The following ICE1 variants were observed in gnomAD, a reference collection of about 807,000 sequenced individuals.
The protein encoded by ICE1 is little elongation complex subunit 1.
Under a neutral mutation model 192.7 loss-of-function variants are expected in ICE1, and 64 were observed. The observed-to-expected ratio is 0.33, with a 90% CI of 0.27 to 0.41. ICE1 has a LOEUF of 0.41. Ranked by LOEUF, ICE1 falls within the 10% of genes least tolerant of loss-of-function variation. The probability of loss-of-function intolerance (pLI) is 1.00; values close to 1 mark genes in which losing one functional copy is unlikely to be tolerated. For synonymous variants in ICE1, 1,010 were observed against 984.5 expected (o/e 1.03, Z -0.49); for missense variants, 2,708 against 2,696.0 (o/e 1.00, Z -0.10).
intron 17 of ICE1, among the ~76,000 whole-genome samples, chr5:5,482,775 A>ACACACAC (rs1554017071): frequency 7.4e-6 from 1 of 135,998 alleles, no homozygotes; most frequent in Non-Finnish European, 1.6e-5. Context: ...CCCACCCCCC[A>ACACACAC]ACACACACAC....
chr5:5,483,360 C>T (rs1177614562), intron 17 of ICE1, among the ~76,000 whole-genome samples: 2 of 152,192 alleles, frequency 1.3e-5, no homozygotes, highest in East Asian at 1.9e-4. Flanking sequence ...GACAGTAAAA[C>T]AAGCTTTAGG....
At position 5,437,087 on chromosome 5, in the gene ICE1, T is replaced by G. The variant is rs1268547496; in HGVS notation, c.151T>G (p.Leu51Val). The change falls in exon 3 of 19, where the codon TTA (leucine) becomes GTA (valine). Residue 51 changes from leucine (L) to valine (V), a missense_variant. By Grantham distance (32) the Leu-to-Val change is conservative. Transcript: ENST00000296564. ...TTCTTTTCTTTTTTGCAGTAATTTG[T>G]TAACAGAATATCAGAAGAAATGTGA... ...KQKIINTDNL[L>V]TEYQKKCDEL... 6.6e-7 allele frequency: 1 copy of G among 1,521,494 alleles called. No homozygotes were observed. The highest frequency in any genetic ancestry group is 9.0e-7 in the Non-Finnish European group (1 of 1,115,150). 94.2% of individuals were successfully genotyped at this position (1,521,494 alleles called of 1,614,324 possible). A position where few individuals can be genotyped will look rare whatever the true frequency, so the allele number is the denominator to read the frequency against.
Position 5,441,201 on chromosome 5 carries a change from A to T in ICE1, c.287A>T (p.Lys96Ile). The stretch of plus-strand genomic sequence containing the variant: ...TGTCAGGAAGAACTGGGATCTTTAA[A>T]AGCAGAGCTAGAAGAGAAAAAGGTA... ...QKCQEELGSLKAELEEKKSSL... is the reference protein window; with the variant it reads ...QKCQEELGSLIAELEEKKSSL... The change falls in exon 5 of 19, where the codon AAA (lysine) becomes ATA (isoleucine). Residue 96 changes from lysine to isoleucine, a missense_variant. Lys to Ile is a moderately radical substitution (Grantham distance 102). Transcript: ENST00000296564. 1 of 1,557,796 alleles carries T rather than the reference A, an allele frequency of 6.4e-7. No individual in the cohort carries two copies. The highest frequency in any genetic ancestry group is 1.4e-5 in the African/African-American group (1 of 73,590).
At chr5:5,476,161 T>C (rs1739301311) in intron 17 of ICE1, 82 bp downstream of exon 17, 2 of 708,952 alleles carry the variant, frequency 2.8e-6, no homozygotes, top group Non-Finnish European at 4.4e-6. Flanking sequence ...TATAATAAAA[T>C]ATGCTGACTT....
chr5:5,441,167 C>G lies in ICE1; in HGVS notation c.253C>G (p.Leu85Val), dbSNP rs767789754. 3.8e-6 allele frequency: 6 copies of G among 1,565,770 alleles called. No homozygotes were observed. In the South Asian group the frequency reaches 5.9e-5, roughly 15 times the overall value. ...AGAGATGCTTCAAAAAATTTCTCCT[C>G]TACAGAAATGTCAGGAAGAACTGGG... ...VEEMLQKISP[L>V]QKCQEELGSL... Residue 85 changes from leucine (L) to valine (V), a missense_variant, in exon 5 of 19, where the codon CTA becomes GTA. Physicochemically the swap from Leu to Val is conservative, Grantham distance 32. Coordinates refer to ENST00000296564, the MANE Select transcript of ICE1 (RefSeq NM_015325.3).
At chr5:5,441,003 A>T in intron 4 of ICE1, 109 bp from the exon 5 acceptor site, 1 of 656,916 alleles carries the variant, frequency 1.5e-6, no homozygotes, top group Non-Finnish European at 2.6e-6. Context: ...AGACTTTTTC[A>T]TCCTTTTTTT....
chr5:5,438,786 CT>C (rs1737953544), intron 3 of ICE1, among the ~76,000 whole-genome samples: 1 of 152,144 alleles, frequency 6.6e-6, no homozygotes, highest in Non-Finnish European at 1.5e-5. Flanking sequence ...ACGGATAACA[CT>C]TTTGATTATT....
At chr5:5,438,572 C>T (rs1352638716) in intron 3 of ICE1, among the ~76,000 whole-genome samples, 1 of 152,128 alleles carries the variant, frequency 6.6e-6, no homozygotes, top group Non-Finnish European at 1.5e-5. Flanking sequence ...AAACAATTAT[C>T]ACAACTTTTA....
At chr5:5,480,081 C>G (rs10462631) in intron 17 of ICE1, among the ~76,000 whole-genome samples, 9,766 of 152,008 alleles carry the variant, frequency 0.064, 756 homozygotes, top group East Asian at 0.35. Flanking sequence ...GTGTATTCCA[C>G]AACTGAAAAA....
intron 17 of ICE1, among the ~76,000 whole-genome samples, chr5:5,481,988 CCTGA>C (rs2111404969): frequency 6.6e-6 from 1 of 152,280 alleles, no homozygotes; most frequent in Admixed American, 6.5e-5. Context: ...AATGTGGTCT[CCTGA>C]CTAAGCGACC....
chr5:5,447,378 A>G (rs1054674124), intron 7 of ICE1, 49 bp from the exon 8 acceptor site: 1 of 1,136,570 alleles, frequency 8.8e-7, no homozygotes. Context: ...CCACAGTAGT[A>G]AAGTTAGTAA....
In ICE1 at chr5:5,447,739, T is replaced by C. The variant is rs1173464482; in HGVS notation, c.526T>C (p.Ser176Pro). The C allele has an allele frequency of 1.9e-6, 3 of 1,585,208 alleles. No individual in the cohort carries two copies. The highest frequency in any genetic ancestry group is 2.3e-5 in the South Asian group (2 of 87,038). ...KKTQERLDEF[S>P]KQKNEKELRH... ...TTCACAGGAAAGGCTTGACGAATTTTCTAAACAGAAAAATGAAAAGGGTGA... is the reference window on the plus strand; with the variant it reads ...TTCACAGGAAAGGCTTGACGAATTTCCTAAACAGAAAAATGAAAAGGGTGA... Residue 176 changes from serine to proline, a missense_variant, in exon 9 of 19, where the codon TCT becomes CCT. Coordinates refer to ENST00000296564, the MANE Select transcript of ICE1 (RefSeq NM_015325.3).
At position 5,460,668 on chromosome 5, in the gene ICE1, T is replaced by A. The variant is rs746784764; in HGVS notation, c.1334T>A (p.Phe445Tyr). ...NKVTTSGLET[F>Y]TATLRESSAT... ...GTGACAACTTCTGGACTCGAGACTT[T>A]CACAGCAACACTGAGAGAATCTTCT... The change falls in exon 13 of 19, where the codon TTC becomes TAC. Residue 445 changes from phenylalanine (F) to tyrosine (Y), a missense_variant. Transcript: ENST00000296564. 1.2e-6 allele frequency: 2 copies of A among 1,613,990 alleles called. No individual in the cohort carries two copies. The highest frequency in any genetic ancestry group is 1.7e-6 in the Non-Finnish European group (2 of 1,179,900).
chr5:5,448,847 C>G (rs931504883), intron 10 of ICE1, among the ~76,000 whole-genome samples: 1 of 152,226 alleles, frequency 6.6e-6, no homozygotes, highest in Non-Finnish European at 1.5e-5. Flanking sequence ...ATTGATTGCT[C>G]ACCTACCACT....
chr5:5,475,387 G>A (rs575435886), intron 16 of ICE1, among the ~76,000 whole-genome samples: 19 of 152,102 alleles, frequency 1.2e-4, no homozygotes, highest in South Asian at 1.0e-3. Flanking sequence ...TTTTTCTTTT[G>A]TCTACATTAA....
chr5:5,441,576 G>A (rs930513416), intron 5 of ICE1, among the ~76,000 whole-genome samples: 7 of 152,200 alleles, frequency 4.6e-5, no homozygotes, highest in Admixed American at 6.5e-5. Context: ...AACTTTAAAT[G>A]TAGAGGAATC....
Position 5,460,999 on chromosome 5 carries a change from G to A in ICE1, c.1665G>A (p.Met555Ile). The A allele has an allele frequency of 1.9e-6, 3 of 1,614,038 alleles. No individual in the cohort carries two copies. Among genetic ancestry groups the A allele is most frequent in the Non-Finnish European group, 1.7e-6 (2 of 1,179,894 alleles). Residue 555 changes from methionine (M) to isoleucine (I), a missense_variant, in exon 13 of 19, where the codon ATG (methionine) becomes ATA (isoleucine). By Grantham distance (10) the Met-to-Ile change is conservative (BLOSUM62 1). Transcript: ENST00000296564. ...ESEGKTVLSKMMGSPKSEFTK... is the reference protein window; with the variant it reads ...ESEGKTVLSKIMGSPKSEFTK... ...AAGGAAAAACCGTATTGTCTAAAAT[G>A]ATGGGATCGCCCAAATCAGAGTTTA... is the stretch of plus-strand genomic sequence containing the variant.
chr5:5,439,032 T>G (rs1354159113), intron 3 of ICE1, among the ~76,000 whole-genome samples: 1 of 152,202 alleles, frequency 6.6e-6, no homozygotes, highest in Non-Finnish European at 1.5e-5. Flanking sequence ...CATTTTCCCA[T>G]TTTTTTCAAG....
intron 10 of ICE1, among the ~76,000 whole-genome samples, chr5:5,448,579 T>C (rs528252116): frequency 1.8e-4 from 28 of 152,364 alleles, no homozygotes; most frequent in African/African-American, 6.3e-4. Context: ...GAATTTCTGC[T>C]CTATCTCACA....
Sources: gnomAD v4.1 joint callset for allele counts (sites outside exome capture counted in the v4.1 genomes callset) on GRCh38, gnomAD v4.1.1 for gene constraint, MANE v1.5 for transcripts, NCBI Gene and HGNC (gene_info 2026-07-23, HGNC 2026-07-21) for gene names.